STK10: variants seen among roughly 807,000 people sequenced by gnomAD.
The protein encoded by STK10 is serine/threonine-protein kinase 10.
A neutral mutation model predicts 113.8 loss-of-function variants in STK10; 78 were observed. The observed-to-expected ratio is 0.69, with a 90% CI of 0.57 to 0.83. The LOEUF (loss-of-function observed/expected upper bound fraction) is 0.83, where lower values mean the gene tolerates loss of function less well. Among genes scored for constraint, STK10 ranks in the 40% least tolerant of loss-of-function variants. The pLI is 0.00. For missense variants in STK10, 1,109 were observed against 1,280.1 expected (o/e 0.87, Z 2.04); for synonymous variants, 465 against 494.7 (o/e 0.94, Z 0.80).
intron 18 of STK10, among the ~76,000 whole-genome samples, chr5:172,050,408 C>T (rs1767602142): frequency 6.6e-6 from 1 of 152,124 alleles, no homozygotes; most frequent in South Asian, 2.1e-4. Flanking sequence ...AAAAACAACT[C>T]ACAACTGGGC....
chr5:172,182,026 C>A (rs192216398), intron 1 of STK10, among the ~76,000 whole-genome samples: 1 of 152,030 alleles, frequency 6.6e-6, no homozygotes, highest in Non-Finnish European at 1.5e-5. Flanking sequence ...TTTAAAAAGG[C>A]CGGCTCGGTG....
Position 172,044,885 on chromosome 5 carries a change from AG to A in STK10, c.2903del (p.Ser968PhefsTer26), listed in dbSNP as rs762083636. The stretch of plus-strand genomic sequence containing the variant: ...CAGCCACAGCCCCGGGCGGTTGTTA[AG>A]AAGCATCCGCAGAACTGTAGGGGAA... Reference protein sequence around the residue: ...KFFPYSSADAS With the variant: ...KFFPYSSADAX On this transcript the variant is annotated frameshift_variant, in exon 19 of 19. Coordinates refer to ENST00000176763, the MANE Select transcript of STK10 (RefSeq NM_005990.4). LOFTEE classifies it high-confidence loss of function. The surrounding 1 kb of genome is among the most constrained non-coding windows in gnomAD (Gnocchi z 4.5). The A allele has an allele frequency of 2.5e-6, 4 of 1,614,096 alleles. No individual in the cohort carries two copies. The Admixed American group carries it at 6.7e-5, about 27-fold the overall frequency.
chr5:172,122,695 C>A (rs1351290488), intron 3 of STK10, among the ~76,000 whole-genome samples: 1 of 152,162 alleles, frequency 6.6e-6, no homozygotes, highest in Non-Finnish European at 1.5e-5. Flanking sequence ...ACGATCTAGG[C>A]TCACTGCAAG....
chr5:172,046,489 C>G (rs1767498695), intron 18 of STK10, among the ~76,000 whole-genome samples: 1 of 152,104 alleles, frequency 6.6e-6, no homozygotes, highest in East Asian at 1.9e-4. Flanking sequence ...ATAATAATAG[C>G]TACTACTTTT....
chr5:172,062,465 T>G (rs1269984421), intron 13 of STK10, among the ~76,000 whole-genome samples: 1 of 152,180 alleles, frequency 6.6e-6, no homozygotes, highest in East Asian at 1.9e-4. Context: ...CACAGCAGCA[T>G]TATTCACAAC....
At chr5:172,056,954 GGAAA>G (rs758056970) in intron 15 of STK10, 8,183 of 78,486 alleles carry the variant, frequency 0.1, 693 homozygotes, top group East Asian at 0.12. Flanking sequence ...AAAGAAAGAA[GGAAA>G]GAAAGAAAGA....
intron 12 of STK10, among the ~76,000 whole-genome samples, chr5:172,068,740 G>C (rs552238182): frequency 6.6e-6 from 1 of 152,110 alleles, no homozygotes; most frequent in South Asian, 2.1e-4. Context: ...CGGATTGCTT[G>C]AGGCCAGGCA....
intron 6 of STK10, among the ~76,000 whole-genome samples, chr5:172,106,316 C>G (rs13190067): frequency 6.8e-6 from 1 of 147,446 alleles, no homozygotes; most frequent in African/African-American, 2.5e-5. Context: ...GTGTGAGGAT[C>G]TCTTGAGCCT....
chr5:172,112,881 G>C (rs1043266765), intron 4 of STK10, among the ~76,000 whole-genome samples: 2 of 151,864 alleles, frequency 1.3e-5, no homozygotes, highest in African/African-American at 4.8e-5. Context: ...CAAGCAGCTG[G>C]GATTACAGGC....
intron 1 of STK10, among the ~76,000 whole-genome samples, chr5:172,164,394 C>G (rs1479276957): frequency 6.6e-6 from 1 of 152,088 alleles, no homozygotes; most frequent in African/African-American, 2.4e-5. Flanking sequence ...GGCACTAAAG[C>G]TGAGAGAGGG....
At chr5:172,128,350 T>TC (rs1769673253) in intron 2 of STK10, among the ~76,000 whole-genome samples, 1 of 149,942 alleles carries the variant, frequency 6.7e-6, no homozygotes, top group African/African-American at 2.4e-5. Context: ...TCCTTTTTTT[T>TC]TTTTTTTTTA....
At chr5:172,081,211 C>T (rs976212796) in intron 12 of STK10, among the ~76,000 whole-genome samples, 25 of 151,954 alleles carry the variant, frequency 1.6e-4, no homozygotes, top group African/African-American at 4.1e-4. Context: ...ATTAGCCAAG[C>T]GTGGTGGTGC....
At chr5:172,180,559 GGC>G (rs1311344877) in intron 1 of STK10, among the ~76,000 whole-genome samples, 6 of 152,072 alleles carry the variant, frequency 3.9e-5, no homozygotes, top group African/African-American at 7.3e-5. Flanking sequence ...GGGAGGCCGA[GGC>G]AGGCGGATCA....
intron 4 of STK10, among the ~76,000 whole-genome samples, chr5:172,108,986 C>T (rs1769176767): frequency 6.6e-6 from 1 of 152,046 alleles, no homozygotes; most frequent in Non-Finnish European, 1.5e-5. Flanking sequence ...AGTTTCACCA[C>T]GTTGCCCAGG....
At chr5:172,162,436 T>G (rs760850527) in intron 1 of STK10, among the ~76,000 whole-genome samples, 11 of 150,694 alleles carry the variant, frequency 7.3e-5, no homozygotes, top group African/African-American at 1.2e-4. Context: ...GCTCACTTGC[T>G]CTCTCTCTCT....
intron 10 of STK10, among the ~76,000 whole-genome samples, chr5:172,088,480 C>T (rs749976849): frequency 7.2e-5 from 11 of 152,106 alleles, no homozygotes; most frequent in Non-Finnish European, 4.4e-5. Context: ...ACCAAGATAG[C>T]ACCACTGCAC....
intron 2 of STK10, among the ~76,000 whole-genome samples, chr5:172,129,421 C>G (rs1251418152): frequency 6.6e-6 from 1 of 152,154 alleles, no homozygotes; most frequent in African/African-American, 2.4e-5. Context: ...CAACAACGGG[C>G]CTGACCTCAG....
rs570944086 is a variant in STK10, at chr5:172,116,751, C to G, written c.520+730G>C. ...GGTGTGGTGGTGGGTGCCTATAGTC[C>G]CAGCAACTCAGGAGGCTGAGGCAGG... is the stretch of plus-strand genomic sequence containing the variant. On this transcript the variant is annotated intron_variant, in intron 4 of 18. Transcript: ENST00000176763. Among the ~76,000 whole-genome samples the G allele has an allele frequency of 2.6e-4, 40 of 151,774 alleles. No homozygotes were observed. In the East Asian group the frequency reaches 7.8e-3, roughly 30 times the overall value.
intron 10 of STK10, 122 bp from the exon 11 acceptor site, chr5:172,083,206 GGC>G: frequency 7.9e-7 from 1 of 1,258,184 alleles, no homozygotes; most frequent in South Asian, 1.3e-5. Flanking sequence ...CTGGGGCACA[GGC>G]ATGACTAGAA....
Sources: allele counts gnomAD v4.1 joint callset (sites outside exome capture counted in the v4.1 genomes callset), GRCh38; gene constraint gnomAD v4.1.1; non-coding constraint Gnocchi (gnomAD v3.1); transcripts MANE v1.5; gene names NCBI Gene and HGNC (gene_info 2026-07-23, HGNC 2026-07-21).